The following PRKAR1A variants were observed in gnomAD, a reference collection of about 807,000 sequenced individuals.
The protein encoded by PRKAR1A is cAMP-dependent protein kinase type I-alpha regulatory subunit.
PRKAR1A carries 3 observed loss-of-function variants against 52.0 expected under a neutral mutation model. The ratio of observed to expected loss-of-function variants is 0.06; its 90% CI spans 0.03 to 0.15. The LOEUF is 0.15. Among genes scored for constraint, PRKAR1A ranks in the 10% least tolerant of loss-of-function variants. The probability of loss-of-function intolerance (pLI) is 1.00; values close to 1 mark genes in which losing one functional copy is unlikely to be tolerated. For synonymous variants in PRKAR1A, 188 were observed against 168.4 expected (o/e 1.12, Z -0.90); for missense variants, 240 against 477.4 (o/e 0.50, Z 4.63).
chr17:68,530,953 C>T lies in PRKAR1A; in HGVS notation c.*504C>T, dbSNP rs2085958765. Reference sequence around the variant, plus strand: ...CTTAGTATAGTAGAAAGACATCTGCCTGTAATTAAACTAGTTTAAGGGTGG... The same window carrying T: ...CTTAGTATAGTAGAAAGACATCTGCTTGTAATTAAACTAGTTTAAGGGTGG... On this transcript the variant is annotated 3_prime_UTR_variant, in exon 11 of 11. Coordinates refer to ENST00000589228, the MANE Select transcript of PRKAR1A (RefSeq NM_002734.5). 4 of 1,085,974 alleles carry T rather than the reference C, an allele frequency of 3.7e-6. No individual in the cohort carries two copies. The highest frequency in any genetic ancestry group is 1.6e-5 in the African/African-American group (1 of 61,424). The allele number at this position is 1,085,974 out of a possible 1,614,324, so 67.3% of individuals were successfully genotyped here.
At chr17:68,541,137 T>A in intron 11 of PRKAR1A, 1 of 827,380 alleles carries the variant, frequency 1.2e-6, no homozygotes, top group Admixed American at 2.6e-5. Context: ...ATATTCCGTG[T>A]GGTGAGAAGG....
the PRKAR1A span, among the ~76,000 whole-genome samples, chr17:68,486,459 TTC>T: frequency 1.3e-5 from 2 of 149,486 alleles, no homozygotes; most frequent in African/African-American, 4.9e-5. Context: ...CCCTCTTTCT[TTC>T]TTTCTTTCTC....
chr17:68,499,078 T>C, the PRKAR1A span, among the ~76,000 whole-genome samples: 2 of 152,216 alleles, frequency 1.3e-5, no homozygotes, highest in African/African-American at 2.4e-5. Context: ...TGTGGGAATC[T>C]ATGTGAAACC....
chr17:68,481,617 A>T, the PRKAR1A span, among the ~76,000 whole-genome samples: 2 of 152,252 alleles, frequency 1.3e-5, no homozygotes. Flanking sequence ...GTACCCCTGC[A>T]TTAAAACATT....
chr17:68,450,851 G>T, the PRKAR1A span: 2 of 1,614,096 alleles, frequency 1.2e-6, no homozygotes, highest in Non-Finnish European at 1.7e-6. Flanking sequence ...CCACCACCAG[G>T]CTGCTGGAGA....
At chr17:68,523,967 C>G in intron 4 of PRKAR1A, 49 bp from the exon 5 acceptor site, 1 of 1,603,804 alleles carries the variant, frequency 6.2e-7, no homozygotes, top group Middle Eastern at 1.7e-4. Flanking sequence ...GTTTGAAATT[C>G]ACGGAAGAGA....
chr17:68,452,665 T>C, the PRKAR1A span, among the ~76,000 whole-genome samples: 2 of 152,230 alleles, frequency 1.3e-5, no homozygotes, highest in Non-Finnish European at 2.9e-5. Context: ...CTCAATAATA[T>C]GATTTCACAC....
chr17:68,504,381 C>T, the PRKAR1A span, among the ~76,000 whole-genome samples: 1 of 152,062 alleles, frequency 6.6e-6, no homozygotes, highest in African/African-American at 2.4e-5. Context: ...GCATGAGAAT[C>T]ACTTGAACCC....
the PRKAR1A span, among the ~76,000 whole-genome samples, chr17:68,473,324 T>C: frequency 6.6e-6 from 1 of 152,104 alleles, no homozygotes; most frequent in African/African-American, 2.4e-5. Context: ...GGAGGATCAG[T>C]TGAGCCCAGG....
chr17:68,493,554 A>G, the PRKAR1A span: 2 of 151,268 alleles, frequency 1.3e-5, no homozygotes, highest in African/African-American at 4.9e-5. Context: ...TCCTTGCCAA[A>G]CTATTCTTTG....
the PRKAR1A span, chr17:68,420,625 A>G: frequency 1.7e-5 from 14 of 823,888 alleles, no homozygotes; most frequent in Non-Finnish European, 2.6e-5. Context: ...TCCCTCCTCC[A>G]CGCCGACCCG....
chr17:68,449,301 G>A, the PRKAR1A span, among the ~76,000 whole-genome samples: 1 of 152,284 alleles, frequency 6.6e-6, no homozygotes, highest in Non-Finnish European at 1.5e-5. Flanking sequence ...CTACCAGGTC[G>A]TATAATGGTG....
chr17:68,524,260 T>C (rs1159815666), intron 5 of PRKAR1A, 183 bp downstream of exon 5: 2 of 611,214 alleles, frequency 3.3e-6, no homozygotes, highest in African/African-American at 1.9e-5. Flanking sequence ...CAGAACACTT[T>C]GTATTGGGAA....
the PRKAR1A span, chr17:68,424,566 T>G: frequency 1.9e-6 from 1 of 520,690 alleles, no homozygotes; most frequent in Admixed American, 2.0e-5. Flanking sequence ...GAGCTGATGC[T>G]CCAAGTCTTG....
chr17:68,428,741 G>T, the PRKAR1A span: 1 of 985,336 alleles, frequency 1.0e-6, no homozygotes, highest in Non-Finnish European at 1.6e-6. Context: ...ATCAATGCAA[G>T]GGCACTGAAG....
At chr17:68,456,682 A>C in the PRKAR1A span, among the ~76,000 whole-genome samples, 3 of 152,056 alleles carry the variant, frequency 2.0e-5, no homozygotes, top group Non-Finnish European at 4.4e-5. Context: ...CCGGGAAAAG[A>C]GTCTTGGACT....
chr17:68,535,679 T>G (rs1241879478), downstream of PRKAR1A: 1 of 447,244 alleles, frequency 2.2e-6, no homozygotes, highest in East Asian at 7.0e-5. Context: ...ATTTTTTTTT[T>G]TTTGTATTTT....
the PRKAR1A span, among the ~76,000 whole-genome samples, chr17:68,499,377 AG>A: frequency 2.8e-5 from 4 of 143,650 alleles, no homozygotes; most frequent in African/African-American, 1.2e-4. Flanking sequence ...AAAGAGAGAG[AG>A]AGAGAGAGAG....
At chr17:68,510,440 A>G (rs1401962206), upstream of PRKAR1A, among the ~76,000 whole-genome samples, 1 of 152,202 alleles carries the variant, frequency 6.6e-6, no homozygotes, top group East Asian at 1.9e-4. Flanking sequence ...CTTAGTAGTT[A>G]ACTTCAACAA....
Sources: allele counts gnomAD v4.1 joint callset (sites outside exome capture counted in the v4.1 genomes callset), GRCh38; gene constraint gnomAD v4.1.1; transcripts MANE v1.5; gene names NCBI Gene and HGNC (gene_info 2026-07-23, HGNC 2026-07-21).